The following SVOPL variants were observed in gnomAD, a reference collection of about 807,000 sequenced individuals.
The protein encoded by SVOPL is SVOP like.
In SVOPL, 60 loss-of-function variants were observed where a neutral mutation model predicts 61.0. That is an observed-to-expected ratio of 0.98 (90% CI 0.80 to 1.22). SVOPL has a LOEUF of 1.22. Among genes scored for constraint, SVOPL ranks in the 50% most tolerant of loss-of-function variants. The pLI is 0.00. For synonymous variants in SVOPL, 279 were observed against 250.0 expected, an observed-to-expected ratio of 1.12 and a Z score of -1.09; for missense variants, 662 against 643.9, an observed-to-expected ratio of 1.03 and a Z score of -0.30.
chr7:138,660,655 A>T, intron 5 of SVOPL: 1 of 985,438 alleles, frequency 1.0e-6, no homozygotes, highest in African/African-American at 1.7e-5. Flanking sequence ...TCTGTACATA[A>T]GTCGTTATGC....
intron 14 of SVOPL, among the ~76,000 whole-genome samples, chr7:138,620,071 C>A (rs1455921414): frequency 6.6e-6 from 1 of 151,204 alleles, no homozygotes; most frequent in Admixed American, 6.6e-5. Flanking sequence ...TTTGCTACAG[C>A]CAGGTCATGT....
intron 1 of SVOPL, among the ~76,000 whole-genome samples, chr7:138,695,538 A>G (rs1803046660): frequency 6.6e-6 from 1 of 152,160 alleles, no homozygotes; most frequent in Non-Finnish European, 1.5e-5. Flanking sequence ...ATATTCAGGT[A>G]TGACAAATAT....
intron 4 of SVOPL, among the ~76,000 whole-genome samples, chr7:138,667,373 T>C (rs926499054): frequency 1.3e-5 from 2 of 152,210 alleles, no homozygotes; most frequent in South Asian, 2.1e-4. Flanking sequence ...TCTATCTAAG[T>C]CTAGCTTCTA....
At chr7:138,691,116 T>G (rs1170928947) in intron 1 of SVOPL, among the ~76,000 whole-genome samples, 8 of 152,162 alleles carry the variant, frequency 5.3e-5, no homozygotes, top group Admixed American at 5.2e-4. Flanking sequence ...TGTAGGTGGA[T>G]TATGTCAATT....
chr7:138,677,458 A>T (rs572842066), intron 3 of SVOPL, among the ~76,000 whole-genome samples: 1 of 152,312 alleles, frequency 6.6e-6, no homozygotes, highest in East Asian at 1.9e-4. Flanking sequence ...CCGATTTGGC[A>T]TAACATTATG....
rs145183727 is a variant in SVOPL at position 138,649,124 on chromosome 7, G to T, written c.548C>A (p.Ala183Glu). ...MLPLSQVFWL[A>E]GSLLIIGLAS... ...CAAGCCAATGATGAGCAGGGAGCCC[G>T]CAAGCCAGAACACCTAGGAAGAGAG... Residue 183 changes from alanine (A) to glutamate (E), a missense_variant, in exon 8 of 16, where the codon GCG becomes GAG. Transcript: ENST00000674285. 12 of 1,613,264 alleles carry T rather than the reference G, an allele frequency of 7.4e-6. No individual in the cohort carries two copies. In the East Asian group the frequency reaches 2.2e-4, roughly 30 times the overall value.
chr7:138,674,878 T>G (rs1802520738), intron 3 of SVOPL, among the ~76,000 whole-genome samples: 1 of 150,792 alleles, frequency 6.6e-6, no homozygotes, highest in African/African-American at 2.4e-5. Flanking sequence ...AAAAGATACT[T>G]GAAGACCAGA....
At chr7:138,647,325 G>A (rs1304731098) in intron 8 of SVOPL, among the ~76,000 whole-genome samples, 1 of 152,132 alleles carries the variant, frequency 6.6e-6, no homozygotes, top group Non-Finnish European at 1.5e-5. Context: ...AGGTTGCGAA[G>A]AGCTGAGATC....
At chr7:138,634,714 A>G (rs1235816007) in intron 9 of SVOPL, among the ~76,000 whole-genome samples, 1 of 151,098 alleles carries the variant, frequency 6.6e-6, no homozygotes, top group East Asian at 2.0e-4. Context: ...TGCAATTCCA[A>G]CTACTTTGGA....
At chr7:138,689,961 A>G (rs1237496197) in intron 1 of SVOPL, among the ~76,000 whole-genome samples, 1 of 152,106 alleles carries the variant, frequency 6.6e-6, no homozygotes, top group African/African-American at 2.4e-5. Context: ...CAGAGACAGC[A>G]CACAGGGAGA....
rs769960177 is a variant in SVOPL at position 138,626,633 on chromosome 7, T to C, written c.1182-583A>G. Among the ~76,000 whole-genome samples, 100 of 152,184 alleles carry C rather than the reference T, an allele frequency of 6.6e-4. 1 individual carries two copies. The highest frequency in any genetic ancestry group is 2.3e-3 in the African/African-American group (96 of 41,564). On this transcript the variant is annotated intron_variant, in intron 12 of 15. Transcript: ENST00000674285. ...ATCTTGAACTCCTGGGCTCAAATGATCCACCTGCCTCAGCCTCCCAAAGTT... is the reference window on the plus strand; with the variant it reads ...ATCTTGAACTCCTGGGCTCAAATGACCCACCTGCCTCAGCCTCCCAAAGTT...
chr7:138,670,622 T>C (rs988129514), intron 4 of SVOPL, among the ~76,000 whole-genome samples: 1 of 152,158 alleles, frequency 6.6e-6, no homozygotes, highest in Non-Finnish European at 1.5e-5. Context: ...AACCAAACTA[T>C]CTTTAAAAAA....
intron 14 of SVOPL, among the ~76,000 whole-genome samples, chr7:138,599,290 G>A (rs562112277): frequency 1.1e-4 from 16 of 152,268 alleles, no homozygotes; most frequent in African/African-American, 3.9e-4. Context: ...TTCTGAAAAT[G>A]TGGGGGTATA....
At chr7:138,662,397 A>G (rs1439449787) in intron 5 of SVOPL, 5 of 985,290 alleles carry the variant, frequency 5.1e-6, no homozygotes, top group Non-Finnish European at 6.0e-6. Flanking sequence ...TCTTGCCCCA[A>G]AATTAAGGGA....
intron 3 of SVOPL, among the ~76,000 whole-genome samples, chr7:138,674,762 A>T (rs1279102686): frequency 6.6e-6 from 1 of 151,966 alleles, no homozygotes. Context: ...AGGCTGAAGC[A>T]GGAGAATGGC....
intron 9 of SVOPL, among the ~76,000 whole-genome samples, chr7:138,639,055 C>T (rs1324400403): frequency 6.6e-6 from 1 of 151,852 alleles, no homozygotes; most frequent in Non-Finnish European, 1.5e-5. Flanking sequence ...GAGCTCAAGA[C>T]CAGCCTGGCC....
Position 138,626,067 on chromosome 7 carries a change from G to A in SVOPL, c.1182-17C>T, listed in dbSNP as rs6950103. 3.0e-4 allele frequency: 491 copies of A among 1,613,492 alleles called. No homozygotes were observed. In the African/African-American group the frequency reaches 5.4e-3, roughly 18 times the overall value. On this transcript the variant is annotated splice_polypyrimidine_tract_variant and intron_variant, in intron 12 of 15. Transcript: ENST00000674285. Reference sequence around the variant, plus strand: ...AGGCCGGCACTAGAAAACAGGAAGCGGAGAGAAATTATAAAAGGCAGCATG... The same window carrying A: ...AGGCCGGCACTAGAAAACAGGAAGCAGAGAGAAATTATAAAAGGCAGCATG...
At chr7:138,671,916 TG>T (rs1554473398) in intron 4 of SVOPL, 102 bp downstream of exon 4, 3 of 850,396 alleles carry the variant, frequency 3.5e-6, no homozygotes, top group Non-Finnish European at 3.3e-6. Flanking sequence ...AAGCCAACAG[TG>T]GCAGTGGTGA....
At chr7:138,656,849 C>G (rs1440152293) in intron 6 of SVOPL, among the ~76,000 whole-genome samples, 1 of 152,022 alleles carries the variant, frequency 6.6e-6, no homozygotes, top group Non-Finnish European at 1.5e-5. Flanking sequence ...TCGAGACCAG[C>G]CTGGACAACA....
Sources: allele counts gnomAD v4.1 joint callset (sites outside exome capture counted in the v4.1 genomes callset), GRCh38; gene constraint gnomAD v4.1.1; transcripts MANE v1.5; gene names NCBI Gene and HGNC (gene_info 2026-07-23, HGNC 2026-07-21).